LSM4: variants seen among roughly 807,000 people sequenced by gnomAD.
LSM4 encodes the protein LSM4 homolog, U6 small nuclear RNA and mRNA degradation associated, also known as U6 snRNA-associated Sm-like protein LSm4.
A neutral mutation model predicts 22.3 loss-of-function variants in LSM4; 15 were observed. That is an observed-to-expected ratio of 0.67 (90% CI 0.45 to 1.03). The LOEUF (loss-of-function observed/expected upper bound fraction) is 1.03. Among genes scored for constraint, LSM4 ranks in the 50% least tolerant of loss-of-function variants. The pLI, the probability that LSM4 is intolerant of heterozygous loss-of-function variation, is 0.00. For missense variants in LSM4, 127 were observed against 198.0 expected (o/e 0.64, Z 2.15); for synonymous variants, 90 against 79.8 (o/e 1.13, Z -0.68).
At chr19:18,310,795 C>T (rs1970290406) in intron 3 of LSM4, among the ~76,000 whole-genome samples, 1 of 152,194 alleles carries the variant, frequency 6.6e-6, no homozygotes, top group African/African-American at 2.4e-5. Context: ...CTCAGCAGGG[C>T]TCTCTAGGGC....
chr19:18,323,022 G>C lies in LSM4; in HGVS notation c.-2C>G. 2.6e-6 allele frequency: 4 copies of C among 1,566,380 alleles called. No homozygotes were observed. The highest frequency in any genetic ancestry group is 2.5e-5 in the East Asian group (1 of 40,080). ...CCGCAGTTGCCCTGCCCTCACCATG[G>C]TGCCGGCGGGGACCGGGCTCGCCGG... On this transcript the variant is annotated 5_prime_UTR_variant, in exon 1 of 5. Transcript: ENST00000593829.
chr19:18,314,916 G>A (rs965505159), intron 2 of LSM4, among the ~76,000 whole-genome samples: 2 of 151,302 alleles, frequency 1.3e-5, no homozygotes, highest in African/African-American at 4.9e-5. Context: ...ATGGAGTCTC[G>A]CTCTGTCACC....
chr19:18,310,789 G>A (rs1390749139), intron 3 of LSM4, among the ~76,000 whole-genome samples: 1 of 152,192 alleles, frequency 6.6e-6, no homozygotes, highest in Admixed American at 6.5e-5. Context: ...AAGAACCTCA[G>A]CAGGGCTCTC....
chr19:18,308,588 T>C (rs1221499433), intron 4 of LSM4, among the ~76,000 whole-genome samples: 1 of 152,120 alleles, frequency 6.6e-6, no homozygotes, highest in Non-Finnish European at 1.5e-5. Context: ...CAGAGCCCGC[T>C]GGGAGGCTCA....
chr19:18,315,964 G>T, intron 2 of LSM4, 60 bp downstream of exon 2: 2 of 1,541,132 alleles, frequency 1.3e-6, no homozygotes, highest in Non-Finnish European at 1.8e-6. Flanking sequence ...CTCAGCCACC[G>T]CCCCTGTGCT....
At chr19:18,322,415 T>C (rs2241351) in intron 1 of LSM4, among the ~76,000 whole-genome samples, 137,352 of 152,098 alleles carry the variant, frequency 0.9, 62,185 homozygotes, top group African/African-American at 0.97. Flanking sequence ...CTTCTTTGTA[T>C]TGGGAGGATG....
chr19:18,309,599 G>A (rs887248705), intron 4 of LSM4, 79 bp downstream of exon 4: 3 of 1,454,566 alleles, frequency 2.1e-6, no homozygotes, highest in African/African-American at 1.4e-5. Context: ...AGCGCTGCAA[G>A]GGCAACCCCA....
At position 18,322,428 on chromosome 19, in the gene LSM4, C is replaced by G. The variant is rs553246661; in HGVS notation, c.3+590G>C. Among the ~76,000 whole-genome samples, 12 of 152,192 alleles carry G rather than the reference C, an allele frequency of 7.9e-5. No individual in the cohort carries two copies. The South Asian group carries it at 2.5e-3, about 32-fold the overall frequency. On this transcript the variant is annotated intron_variant, in intron 1 of 4. Transcript: ENST00000593829. ...TCCTTCTTTGTATTGGGAGGATGTA[C>G]TTTGTCCACCCCTAGCTCAAAACGC...
chr19:18,316,102 G>T, intron 1 of LSM4, 37 bp from the exon 2 acceptor site: 2 of 1,609,746 alleles, frequency 1.2e-6, no homozygotes, highest in South Asian at 2.2e-5. Flanking sequence ...TTGTCTGTTT[G>T]ACCAGCGCCT....
At chr19:18,310,084 A>G (rs1970282462) in intron 3 of LSM4, 2 of 554,862 alleles carry the variant, frequency 3.6e-6, no homozygotes, top group African/African-American at 3.9e-5. Flanking sequence ...TGGGTGTGGT[A>G]GGCGCAGCCC....
In LSM4 at chr19:18,307,490, GCTT is replaced by G. The variant is rs758422825; in HGVS notation, c.391_393del (p.Lys131del). 1.9e-6 allele frequency: 3 copies of G among 1,554,564 alleles called. No individual in the cohort carries two copies. The highest frequency in any genetic ancestry group is 2.4e-5 in the East Asian group (1 of 40,866). On this transcript the variant is annotated inframe_deletion, in exon 5 of 5. Coordinates refer to ENST00000593829, the MANE Select transcript of LSM4 (RefSeq NM_012321.5). ...CACTGTTTGCCCGCCTGTCTGCCAG[GCTT>G]CTTCTCTGGCTGGCCTCTGCCTGTG...
At chr19:18,318,311 C>T (rs759981427) in intron 1 of LSM4, among the ~76,000 whole-genome samples, 1 of 152,228 alleles carries the variant, frequency 6.6e-6, no homozygotes, top group Admixed American at 6.5e-5. Context: ...TCCCACAGCC[C>T]CTTCCTGAGA....
At chr19:18,317,761 C>A (rs1241235047) in intron 1 of LSM4, among the ~76,000 whole-genome samples, 1 of 151,894 alleles carries the variant, frequency 6.6e-6, no homozygotes, top group African/African-American at 2.4e-5. Context: ...GAACTCTTGG[C>A]CTCAGGGAAT....
chr19:18,316,149 G>C, intron 1 of LSM4, 84 bp from the exon 2 acceptor site: 1 of 1,296,248 alleles, frequency 7.7e-7, no homozygotes, highest in Non-Finnish European at 1.1e-6. Flanking sequence ...ATGACTCATA[G>C]ATGGTGCGGT....
chr19:18,322,912 C>T, intron 1 of LSM4, 106 bp downstream of exon 1: 1 of 1,505,250 alleles, frequency 6.6e-7, no homozygotes, highest in Non-Finnish European at 9.0e-7. Flanking sequence ...AGGCTCGGAC[C>T]TTACGTTCGC....
chr19:18,316,267 A>G (rs1001168986), intron 1 of LSM4: 13 of 508,152 alleles, frequency 2.6e-5, no homozygotes, highest in Non-Finnish European at 3.9e-5. Context: ...ATTAGGAAGA[A>G]AAGCCTCACA....
intron 1 of LSM4, among the ~76,000 whole-genome samples, chr19:18,317,160 A>T (rs548394157): frequency 5.7e-4 from 87 of 151,658 alleles, no homozygotes; most frequent in Middle Eastern, 3.4e-3. Flanking sequence ...AGCTGGGATT[A>T]TTAGGGGTGC....
At chr19:18,322,913 T>A in intron 1 of LSM4, 105 bp downstream of exon 1, 3 of 1,504,868 alleles carry the variant, frequency 2.0e-6, no homozygotes, top group Non-Finnish European at 2.7e-6. Flanking sequence ...GGCTCGGACC[T>A]TACGTTCGCC....
chr19:18,314,998 C>T (rs1387487400), intron 2 of LSM4, among the ~76,000 whole-genome samples: 1 of 152,120 alleles, frequency 6.6e-6, no homozygotes, highest in African/African-American at 2.4e-5. Flanking sequence ...CATTCTCCTG[C>T]CTCTGCCTTC....
Sources: gnomAD v4.1 joint callset for allele counts (sites outside exome capture counted in the v4.1 genomes callset) on GRCh38, gnomAD v4.1.1 for gene constraint, MANE v1.5 for transcripts, NCBI Gene and HGNC (gene_info 2026-07-23, HGNC 2026-07-21) for gene names.